The following CSMD1 variants were observed in gnomAD, a reference collection of about 807,000 sequenced individuals.
The protein encoded by CSMD1 is CUB and sushi domain-containing protein 1.
Under a neutral mutation model 417.5 loss-of-function variants are expected in CSMD1, and 213 were observed. That is an observed-to-expected ratio of 0.51 (90% CI 0.46 to 0.57). The LOEUF (loss-of-function observed/expected upper bound fraction) is 0.57. Among genes scored for constraint, CSMD1 ranks in the 20% least tolerant of loss-of-function variants. The probability of loss-of-function intolerance (pLI) is 0.00; values close to 1 mark genes in which losing one functional copy is unlikely to be tolerated. For missense variants in CSMD1, 6,923 were observed against 4,529.7 expected (o/e 1.53, Z -15.17); for synonymous variants, 2,862 against 1,736.8 (o/e 1.65, Z -16.11).
At chr8:4,587,917 A>T (rs74936646) in intron 2 of CSMD1, among the ~76,000 whole-genome samples, 2,180 of 152,302 alleles carry the variant, frequency 0.014, 53 homozygotes, top group African/African-American at 0.05. Flanking sequence ...ATACTTTTAA[A>T]CTCACTTCCA....
intron 7 of CSMD1, among the ~76,000 whole-genome samples, chr8:3,680,765 T>C (rs962643519): frequency 2.0e-5 from 3 of 152,170 alleles, no homozygotes; most frequent in Non-Finnish European, 2.9e-5. Context: ...ATATCCCTGA[T>C]GAACATTGAT....
At chr8:3,553,814 T>C (rs1799023185) in intron 10 of CSMD1, among the ~76,000 whole-genome samples, 1 of 152,214 alleles carries the variant, frequency 6.6e-6, no homozygotes, top group Non-Finnish European at 1.5e-5. Flanking sequence ...TCACAGAATA[T>C]TTATAATATT....
intron 5 of CSMD1, among the ~76,000 whole-genome samples, chr8:3,812,721 C>T (rs886419651): frequency 6.6e-6 from 1 of 152,208 alleles, no homozygotes; most frequent in African/African-American, 2.4e-5. Context: ...CCTCAGTAGA[C>T]TCCACAAACA....
intron 3 of CSMD1, among the ~76,000 whole-genome samples, chr8:4,278,066 T>C (rs34401683): frequency 0.11 from 16,372 of 152,210 alleles, 1,241 homozygotes; most frequent in Non-Finnish European, 0.16. Context: ...TAACTTTAAA[T>C]ACAATAATTA....
intron 49 of CSMD1, among the ~76,000 whole-genome samples, chr8:3,084,712 G>C (rs1158850944): frequency 1.3e-5 from 2 of 151,792 alleles, no homozygotes; most frequent in African/African-American, 2.4e-5. Context: ...GGCATAAATT[G>C]CCAATATATG....
chr8:3,166,412 T>C (rs1168253150), intron 37 of CSMD1, among the ~76,000 whole-genome samples: 1 of 152,068 alleles, frequency 6.6e-6, no homozygotes, highest in South Asian at 2.1e-4. Flanking sequence ...TGTGCACCTG[T>C]AGTCCCACCT....
chr8:3,982,834 C>A (rs777954878), intron 5 of CSMD1, among the ~76,000 whole-genome samples: 4 of 152,242 alleles, frequency 2.6e-5, no homozygotes, highest in Non-Finnish European at 5.9e-5. Context: ...TGGTCACTTT[C>A]ATCATTGCAG....
intron 3 of CSMD1, among the ~76,000 whole-genome samples, chr8:4,056,127 G>C (rs1292975089): frequency 1.7e-5 from 2 of 119,082 alleles, no homozygotes; most frequent in East Asian, 2.9e-4. Context: ...TGTCACCCAA[G>C]CTGCAATACA....
At chr8:4,075,381 G>T (rs1345905427) in intron 3 of CSMD1, among the ~76,000 whole-genome samples, 1 of 151,776 alleles carries the variant, frequency 6.6e-6, no homozygotes, top group Admixed American at 6.6e-5. Flanking sequence ...TGATGCTAAA[G>T]AACAGAAAAA....
intron 49 of CSMD1, among the ~76,000 whole-genome samples, chr8:3,068,215 T>A (rs1215285218): frequency 2.6e-5 from 4 of 152,200 alleles, no homozygotes; most frequent in African/African-American, 9.6e-5. Context: ...CTAAAAAATG[T>A]GAAAACTTTC....
intron 33 of CSMD1, among the ~76,000 whole-genome samples, chr8:3,194,430 ATTTT>A (rs1796588409): frequency 7.1e-6 from 1 of 140,862 alleles, no homozygotes; most frequent in Admixed American, 7.0e-5. Context: ...ATTTTATTTT[ATTTT>A]ATTTTATTTT....
At chr8:4,725,735 T>G (rs1038046288) in intron 1 of CSMD1, among the ~76,000 whole-genome samples, 1 of 152,136 alleles carries the variant, frequency 6.6e-6, no homozygotes, top group Non-Finnish European at 1.5e-5. Context: ...GAGAAACAAT[T>G]TGCTGTGCTT....
At chr8:4,133,951 C>A (rs141999006) in intron 3 of CSMD1, among the ~76,000 whole-genome samples, 1 of 152,106 alleles carries the variant, frequency 6.6e-6, no homozygotes, top group South Asian at 2.1e-4. Flanking sequence ...TTTTTCAGGT[C>A]ATGCAAACAA....
At chr8:4,188,927 C>T (rs1356136378) in intron 3 of CSMD1, among the ~76,000 whole-genome samples, 5 of 152,054 alleles carry the variant, frequency 3.3e-5, no homozygotes, top group African/African-American at 4.8e-5. Context: ...CTGGGTTTCT[C>T]CCTCCATGGT....
intron 1 of CSMD1, among the ~76,000 whole-genome samples, chr8:4,963,460 A>C (rs1321280083): frequency 6.6e-6 from 1 of 152,134 alleles, no homozygotes; most frequent in East Asian, 1.9e-4. Flanking sequence ...TCGACCTCCC[A>C]AAGTGCTGGG....
chr8:3,757,639 G>A (rs931231754), intron 5 of CSMD1, among the ~76,000 whole-genome samples: 1 of 152,038 alleles, frequency 6.6e-6, no homozygotes, highest in African/African-American at 2.4e-5. Flanking sequence ...AAGGTGGGTG[G>A]ATCACCTGAG....
chr8:3,840,093 A>G (rs1803022674), intron 5 of CSMD1, among the ~76,000 whole-genome samples: 2 of 152,156 alleles, frequency 1.3e-5, no homozygotes, highest in Non-Finnish European at 2.9e-5. Flanking sequence ...CTTTCAATGA[A>G]TATTTTCTTA....
At chr8:3,459,706 GAAAGGT>G (rs1240868474) in intron 12 of CSMD1, among the ~76,000 whole-genome samples, 3 of 152,044 alleles carry the variant, frequency 2.0e-5, no homozygotes, top group African/African-American at 7.2e-5. Context: ...ATTGGGTTCC[GAAAGGT>G]CATCATTCAG....
intron 12 of CSMD1, among the ~76,000 whole-genome samples, chr8:3,455,255 A>C (rs1360014150): frequency 6.6e-6 from 1 of 152,070 alleles, no homozygotes; most frequent in Non-Finnish European, 1.5e-5. Context: ...CCATGGGTTC[A>C]AACTTCCTCC....
Sources: allele counts gnomAD v4.1 joint callset (sites outside exome capture counted in the v4.1 genomes callset), GRCh38; gene constraint gnomAD v4.1.1; transcripts MANE v1.5; gene names NCBI Gene and HGNC (gene_info 2026-07-23, HGNC 2026-07-21).